The following PLCB4 variants were observed in gnomAD, a reference collection of about 807,000 sequenced individuals.
PLCB4 encodes the protein phospholipase C beta 4, also known as 1-phosphatidylinositol 4,5-bisphosphate phosphodiesterase beta-4.
A neutral mutation model predicts 178.8 loss-of-function variants in PLCB4; 77 were observed. The ratio of observed to expected loss-of-function variants is 0.43; its 90% CI spans 0.36 to 0.52. The LOEUF is 0.52. PLCB4 is among the 20% of genes least tolerant of loss of function. The pLI is 0.00. For synonymous variants in PLCB4, 496 were observed against 490.8 expected (o/e 1.01, Z -0.14); for missense variants, 1,024 against 1,453.4 (o/e 0.70, Z 4.80).
intron 3 of PLCB4, among the ~76,000 whole-genome samples, chr20:9,223,565 C>T (rs569051835): frequency 3.3e-5 from 5 of 152,176 alleles, no homozygotes; most frequent in Non-Finnish European, 5.9e-5. Flanking sequence ...CCTCCTCACC[C>T]AGTCTCATGT....
chr20:9,330,519 G>A (rs145630044), intron 4 of PLCB4, among the ~76,000 whole-genome samples: 38 of 152,292 alleles, frequency 2.5e-4, no homozygotes, highest in African/African-American at 8.7e-4. Context: ...AGTCAGACAG[G>A]CATGGGCTTT....
intron 28 of PLCB4, among the ~76,000 whole-genome samples, chr20:9,431,904 G>A (rs2041442264): frequency 6.6e-6 from 1 of 152,012 alleles, no homozygotes; most frequent in Admixed American, 6.6e-5. Context: ...ATGCCTATCA[G>A]GCATATGAGT....
intron 2 of PLCB4, among the ~76,000 whole-genome samples, chr20:9,139,365 G>T (rs2092443157): frequency 1.3e-5 from 2 of 151,938 alleles, no homozygotes; most frequent in East Asian, 1.9e-4. Flanking sequence ...ATTCTCTGGG[G>T]GTTCATATGA....
intron 33 of PLCB4, among the ~76,000 whole-genome samples, chr20:9,456,024 TG>T (rs2043035555): frequency 6.6e-6 from 1 of 152,082 alleles, no homozygotes; most frequent in South Asian, 2.1e-4. Context: ...TTAATAGAAA[TG>T]GGGTTTCACC....
At chr20:9,402,676 C>T (rs866852397) in intron 20 of PLCB4, among the ~76,000 whole-genome samples, 8 of 152,146 alleles carry the variant, frequency 5.3e-5, no homozygotes, top group South Asian at 2.1e-4. Flanking sequence ...GACAATGCAT[C>T]AGAGAGGACT....
At chr20:9,431,556 G>T (rs915941806) in intron 28 of PLCB4, among the ~76,000 whole-genome samples, 1 of 151,764 alleles carries the variant, frequency 6.6e-6, no homozygotes, top group Non-Finnish European at 1.5e-5. Flanking sequence ...ACCTCCACTT[G>T]CCAGGTTCAA....
chr20:9,227,170 T>C (rs1487650129), intron 3 of PLCB4, among the ~76,000 whole-genome samples: 1 of 150,148 alleles, frequency 6.7e-6, no homozygotes, highest in Non-Finnish European at 1.5e-5. Flanking sequence ...TTGAATTCAT[T>C]GTAAGACTTT....
chr20:9,138,690 A>G (rs2092431084), intron 2 of PLCB4, among the ~76,000 whole-genome samples: 1 of 152,104 alleles, frequency 6.6e-6, no homozygotes, highest in African/African-American at 2.4e-5. Context: ...ATACTTCACA[A>G]TCACCTGTTT....
chr20:9,477,090 C>T (rs2044596864), intron 39 of PLCB4, among the ~76,000 whole-genome samples: 1 of 152,140 alleles, frequency 6.6e-6, no homozygotes, highest in Non-Finnish European at 1.5e-5. Flanking sequence ...AGTCAGGTCA[C>T]TCACAAATGT....
At chr20:9,232,765 A>G (rs2093947305) in intron 3 of PLCB4, among the ~76,000 whole-genome samples, 1 of 152,130 alleles carries the variant, frequency 6.6e-6, no homozygotes, top group African/African-American at 2.4e-5. Context: ...ACAAGTGGGT[A>G]AATTTTTGTG....
Position 9,423,969 on chromosome 20 carries a change from G to A in PLCB4, c.2524+17G>A, listed in dbSNP as rs375148505. 1 of 1,490,718 alleles carries A rather than the reference G, an allele frequency of 6.7e-7. No homozygotes were observed. Among genetic ancestry groups the A allele is most frequent in the Admixed American group, 1.7e-5 (1 of 59,778 alleles). The allele number at this position is 1,490,718 out of a possible 1,614,324, so 92.3% of individuals were successfully genotyped here. A position where few individuals can be genotyped will look rare whatever the true frequency, so the allele number is the denominator to read the frequency against. On this transcript the variant is annotated intron_variant, in intron 28 of 39. Transcript: ENST00000378473. The stretch of plus-strand genomic sequence containing the variant: ...GATTTGGAGGTAAGATAAACATTTG[G>A]GTACGGAATATGATATAGATGAGGT...
At chr20:9,267,027 A>T (rs1185179285) in intron 3 of PLCB4, among the ~76,000 whole-genome samples, 1 of 152,166 alleles carries the variant, frequency 6.6e-6, no homozygotes, top group East Asian at 1.9e-4. Context: ...AGTTTATGAT[A>T]AAATGGGTGG....
chr20:9,221,935 C>T (rs1395381483), intron 3 of PLCB4, among the ~76,000 whole-genome samples: 1 of 151,912 alleles, frequency 6.6e-6, no homozygotes, highest in Non-Finnish European at 1.5e-5. Flanking sequence ...ATTTTATTTC[C>T]TAATAGTTCA....
intron 11 of PLCB4, 68 bp downstream of exon 11, chr20:9,372,471 T>G: frequency 1.3e-6 from 1 of 749,034 alleles, no homozygotes; most frequent in Non-Finnish European, 2.3e-6. Flanking sequence ...TTTAAAACGT[T>G]TTTGTCCTAT....
At chr20:9,283,092 G>A (rs140814714) in intron 3 of PLCB4, among the ~76,000 whole-genome samples, 41 of 152,058 alleles carry the variant, frequency 2.7e-4, no homozygotes, top group African/African-American at 9.9e-4. Context: ...GGGAGGGGAA[G>A]ACTTTCTGGT....
chr20:9,206,353 T>C (rs2093615687), intron 2 of PLCB4, among the ~76,000 whole-genome samples: 1 of 150,804 alleles, frequency 6.6e-6, no homozygotes, highest in Non-Finnish European at 1.5e-5. Context: ...ACCCTTTGTA[T>C]TTCTATCCAC....
chr20:9,314,570 T>C (rs1261066034), intron 4 of PLCB4, among the ~76,000 whole-genome samples: 1 of 152,172 alleles, frequency 6.6e-6, no homozygotes, highest in African/African-American at 2.4e-5. Flanking sequence ...TTTATATTGT[T>C]TCTTTCTGAA....
chr20:9,426,567 G>A (rs929790748), intron 28 of PLCB4, among the ~76,000 whole-genome samples: 2 of 151,988 alleles, frequency 1.3e-5, no homozygotes, highest in African/African-American at 4.8e-5. Flanking sequence ...AGTAGAGACG[G>A]GGTTTCACCA....
chr20:9,177,054 G>C (rs2093167971), intron 2 of PLCB4, among the ~76,000 whole-genome samples: 1 of 152,020 alleles, frequency 6.6e-6, no homozygotes, highest in South Asian at 2.1e-4. Context: ...TTCAAGGAGG[G>C]GTGGTTGGAA....
Sources: allele counts gnomAD v4.1 joint callset (sites outside exome capture counted in the v4.1 genomes callset), GRCh38; gene constraint gnomAD v4.1.1; transcripts MANE v1.5; gene names NCBI Gene and HGNC (gene_info 2026-07-23, HGNC 2026-07-21).